Variants in RALYL observed in about 807,000 individuals in gnomAD.
RALYL encodes the protein RNA-binding Raly-like protein.
Under a neutral mutation model 35.1 loss-of-function variants are expected in RALYL, and 29 were observed. That is an observed-to-expected ratio of 0.83 (90% CI 0.61 to 1.13). RALYL has a LOEUF of 1.13. Ranked by LOEUF, RALYL falls within the 50% of genes most tolerant of loss-of-function variation. RALYL has a pLI of 0.00. For synonymous variants in RALYL, 120 were observed against 127.6 expected, an observed-to-expected ratio of 0.94 and a Z score of 0.40; for missense variants, 359 against 360.4, an observed-to-expected ratio of 1.00 and a Z score of 0.03.
intron 1 of RALYL, among the ~76,000 whole-genome samples, chr8:84,189,856 A>G (rs369153621): frequency 6.6e-6 from 1 of 152,190 alleles, no homozygotes; most frequent in South Asian, 2.1e-4. Context: ...TTGAGCAGAA[A>G]CAAAAGAATA....
At chr8:84,868,937 AT>A (rs1406723830) in intron 6 of RALYL, among the ~76,000 whole-genome samples, 7 of 152,064 alleles carry the variant, frequency 4.6e-5, no homozygotes, top group Non-Finnish European at 1.0e-4. Context: ...CAAAAATTGT[AT>A]TATGTATTAT....
At chr8:84,692,783 G>T (rs1441987150) in intron 2 of RALYL, among the ~76,000 whole-genome samples, 1 of 151,982 alleles carries the variant, frequency 6.6e-6, no homozygotes, top group African/African-American at 2.4e-5. Context: ...AGCAGTGACA[G>T]TGATGGCAGA....
chr8:84,863,834 T>C (rs1472294736), intron 6 of RALYL, among the ~76,000 whole-genome samples: 1 of 152,210 alleles, frequency 6.6e-6, no homozygotes. Flanking sequence ...TGTAATTATG[T>C]ATTCATGTAT....
chr8:84,842,293 G>C (rs1194239865), intron 4 of RALYL, among the ~76,000 whole-genome samples: 2 of 152,032 alleles, frequency 1.3e-5, no homozygotes, highest in Non-Finnish European at 2.9e-5. Flanking sequence ...GATATCACCA[G>C]TGATCCCACA....
At chr8:84,403,522 C>CTTTTTTTTTTTTTTT (rs2043136000) in intron 1 of RALYL, among the ~76,000 whole-genome samples, 2 of 52,118 alleles carry the variant, frequency 3.8e-5, no homozygotes, top group African/African-American at 6.8e-5. Flanking sequence ...GTCTATATCT[C>CTTTTTTTTTTTTTTT]TGTTTTTTTT....
At position 84,732,668 on chromosome 8, in the gene RALYL, T is replaced by TTATATATATATGTATATATATATATA. The variant is rs780316979; in HGVS notation, c.257-41900_257-41899insGTATATATATATATATATATATATAT. Among the ~76,000 whole-genome samples the TTATATATATATGTATATATATATATA allele has an allele frequency of 7.2e-4, 96 of 132,440 alleles. 1 individual carries two copies. The highest frequency in any genetic ancestry group is 2.7e-3 in the African/African-American group (86 of 31,438). 86.9% of individuals were successfully genotyped at this position (132,440 alleles called of 152,430 possible). On this transcript the variant is annotated intron_variant, in intron 2 of 8. Transcript: ENST00000521268. ...TTTTATTATCATAATTATTAAATAA[T>TTATATATATATGTATATATATATATA]TATATATATATATATACACACACAC...
chr8:84,307,549 A>G (rs1316184835), intron 1 of RALYL, among the ~76,000 whole-genome samples: 1 of 152,222 alleles, frequency 6.6e-6, no homozygotes, highest in African/African-American at 2.4e-5. Context: ...TCAATTCAAA[A>G]TGGCATCAAA....
Position 84,699,043 on chromosome 8 carries a change from T to C in RALYL, c.257-75536T>C, listed in dbSNP as rs541855467. Among the ~76,000 whole-genome samples, 5 of 151,934 alleles carry C rather than the reference T, an allele frequency of 3.3e-5. No homozygotes were observed. The South Asian group carries it at 6.2e-4, about 19-fold the overall frequency. ...ATAGATAGATAGATAGATAGATAGA[T>C]AGATAGATAGATAGGATAAATAGAT... On this transcript the variant is annotated intron_variant, in intron 2 of 8. Coordinates refer to ENST00000521268, the MANE Select transcript of RALYL (RefSeq NM_173848.7).
At chr8:84,460,702 G>A (rs994263392) in intron 1 of RALYL, among the ~76,000 whole-genome samples, 5 of 151,534 alleles carry the variant, frequency 3.3e-5, no homozygotes, top group African/African-American at 7.2e-5. Flanking sequence ...TTGGAGGGTC[G>A]GGGAACAAAA....
chr8:84,290,957 G>T (rs1294048388), intron 1 of RALYL, among the ~76,000 whole-genome samples: 1 of 115,450 alleles, frequency 8.7e-6, no homozygotes, highest in African/African-American at 3.8e-5. Flanking sequence ...TAATACTTTT[G>T]ATATCTTTCA....
At chr8:84,830,898 A>G (rs896574406) in intron 4 of RALYL, among the ~76,000 whole-genome samples, 4 of 152,150 alleles carry the variant, frequency 2.6e-5, no homozygotes, top group Admixed American at 6.5e-5. Flanking sequence ...TATGGAAAAT[A>G]TCAGTTAACT....
At chr8:84,876,514 G>A (rs1226423597) in intron 7 of RALYL, among the ~76,000 whole-genome samples, 1 of 152,076 alleles carries the variant, frequency 6.6e-6, no homozygotes, top group African/African-American at 2.4e-5. Context: ...CAAATTACAT[G>A]CTTTACGCAA....
intron 7 of RALYL, among the ~76,000 whole-genome samples, chr8:84,886,039 T>C (rs1299218837): frequency 5.9e-5 from 9 of 152,098 alleles, no homozygotes; most frequent in Non-Finnish European, 7.4e-5. Context: ...ACTCAGTGTC[T>C]ATAATTCTGT....
intron 1 of RALYL, among the ~76,000 whole-genome samples, chr8:84,489,572 A>G (rs948136394): frequency 6.6e-6 from 1 of 152,066 alleles, no homozygotes; most frequent in African/African-American, 2.4e-5. Context: ...GAAACTGGCA[A>G]GCTGAAAAGG....
chr8:84,809,825 A>T (rs1825511043), intron 4 of RALYL, among the ~76,000 whole-genome samples: 1 of 152,062 alleles, frequency 6.6e-6, no homozygotes, highest in Admixed American at 6.6e-5. Context: ...GTCAGTTATA[A>T]TACCTCCTGT....
chr8:84,707,750 G>C (rs929998947), intron 2 of RALYL, among the ~76,000 whole-genome samples: 1 of 152,002 alleles, frequency 6.6e-6, no homozygotes, highest in Non-Finnish European at 1.5e-5. Context: ...TAAAATTAAA[G>C]TATATAGAAA....
At chr8:84,314,178 C>T (rs1326119570) in intron 1 of RALYL, among the ~76,000 whole-genome samples, 2 of 152,066 alleles carry the variant, frequency 1.3e-5, no homozygotes, top group Non-Finnish European at 2.9e-5. Flanking sequence ...AGAACTCCCT[C>T]ATTATCAAGG....
intron 2 of RALYL, among the ~76,000 whole-genome samples, chr8:84,596,487 C>T (rs1278220203): frequency 6.6e-6 from 1 of 152,118 alleles, no homozygotes; most frequent in Non-Finnish European, 1.5e-5. Flanking sequence ...AGCAAATAAT[C>T]CCTTCTTTTT....
rs1275371423 is a variant in RALYL at position 84,873,839 on chromosome 8, G to C, written c.685+442G>C. On this transcript the variant is annotated intron_variant, in intron 7 of 8. Coordinates refer to ENST00000521268, the MANE Select transcript of RALYL (RefSeq NM_173848.7). Reference sequence around the variant, plus strand: ...TCCTGCCTTTGCTGCCACCCTGAAAGACTTCAGTACCCAAGTTCAGGAACA... The same window carrying C: ...TCCTGCCTTTGCTGCCACCCTGAAACACTTCAGTACCCAAGTTCAGGAACA... 2.0e-5 allele frequency among the ~76,000 whole-genome samples: 3 copies of C among 152,228 alleles called. No homozygotes were observed. In the East Asian group the frequency reaches 5.8e-4, roughly 29 times the overall value.
Sources: gnomAD v4.1 joint callset for allele counts (sites outside exome capture counted in the v4.1 genomes callset) on GRCh38, gnomAD v4.1.1 for gene constraint, MANE v1.5 for transcripts, NCBI Gene and HGNC (gene_info 2026-07-23, HGNC 2026-07-21) for gene names.